NCSTN: variants seen among roughly 807,000 people sequenced by gnomAD.
NCSTN encodes the protein nicastrin.
In NCSTN, 22 loss-of-function variants were observed where a neutral mutation model predicts 87.0. The observed-to-expected ratio is 0.25, with a 90% CI of 0.18 to 0.36. The LOEUF (loss-of-function observed/expected upper bound fraction) is 0.36. NCSTN is among the 10% of genes least tolerant of loss of function. NCSTN has a pLI of 1.00. For missense variants in NCSTN, 693 were observed against 883.3 expected, an observed-to-expected ratio of 0.78 and a Z score of 2.73; for synonymous variants, 306 against 327.1, an observed-to-expected ratio of 0.94 and a Z score of 0.69.
intron 8 of NCSTN, 104 bp from the exon 9 acceptor site, chr1:160,352,783 T>G: frequency 2.1e-5 from 18 of 871,100 alleles, no homozygotes; most frequent in Non-Finnish European, 2.7e-5. Flanking sequence ...TGAGGTGACC[T>G]GAGATAGTCG....
At chr1:160,344,882 A>G in intron 2 of NCSTN, 56 bp downstream of exon 2, 3 of 1,406,478 alleles carry the variant, frequency 2.1e-6, no homozygotes, top group Non-Finnish European at 1.0e-6. Context: ...TGCCCTAGAT[A>G]CTAAGTAACA....
intron 16 of NCSTN, among the ~76,000 whole-genome samples, chr1:160,357,563 C>T (rs561486665): frequency 5.9e-5 from 9 of 152,332 alleles, no homozygotes; most frequent in African/African-American, 2.2e-4. Flanking sequence ...TGTCACCACA[C>T]CCAGCTAATT....
intron 13 of NCSTN, 105 bp from the exon 14 acceptor site, chr1:160,356,155 C>G: frequency 8.8e-7 from 1 of 1,131,124 alleles, no homozygotes. Context: ...TCCAGTCTAT[C>G]TGGCCAGTCT....
At position 160,354,175 on chromosome 1, in the gene NCSTN, C is replaced by T. The variant is rs777326684; in HGVS notation, c.1237C>T (p.Leu413Phe). 10 of 1,614,036 alleles carry T rather than the reference C, an allele frequency of 6.2e-6. No individual in the cohort carries two copies. The East Asian group carries it at 1.1e-4, about 18-fold the overall frequency. The change falls in exon 11 of 17, where the codon CTC becomes TTC. Residue 413 changes from leucine (L) to phenylalanine (F), a missense_variant. Coordinates refer to ENST00000294785, the MANE Select transcript of NCSTN (RefSeq NM_015331.3). Reference sequence around the variant, plus strand: ...TGGTGCTGGTGTCCCTGCTGTCATCCTCAGGAGGCCAAATCAGTCCCAGCC... The same window carrying T: ...TGGTGCTGGTGTCCCTGCTGTCATCTTCAGGAGGCCAAATCAGTCCCAGCC... ...KSGAGVPAVI[L>F]RRPNQSQPLP...
At chr1:160,344,663 G>A (rs981612162) in intron 1 of NCSTN, 59 bp from the exon 2 acceptor site, 6 of 1,600,878 alleles carry the variant, frequency 3.7e-6, no homozygotes, top group Admixed American at 1.7e-5. Context: ...TTAATGACAC[G>A]ATAGAAGCTA....
chr1:160,353,638 C>T (rs1648987274), intron 10 of NCSTN: 3 of 1,180,116 alleles, frequency 2.5e-6, no homozygotes, highest in African/African-American at 1.6e-5. Context: ...AAAACCTTCC[C>T]TTCCCTCTAG....
intron 1 of NCSTN, chr1:160,344,419 A>C: frequency 6.9e-7 from 1 of 1,447,012 alleles, no homozygotes; most frequent in Non-Finnish European, 9.1e-7. Flanking sequence ...GTGCAACCAG[A>C]ATCTGGCAAA....
chr1:160,353,270 C>G (rs1648966283), intron 10 of NCSTN, 33 bp downstream of exon 10: 1 of 1,613,866 alleles, frequency 6.2e-7, no homozygotes, highest in African/African-American at 1.3e-5. Context: ...TTTCCTATTC[C>G]TACAGCTCAG....
Position 160,349,605 on chromosome 1 carries a change from C to A in NCSTN, c.371C>A (p.Ser124Tyr), listed in dbSNP as rs1648718962. 6.2e-7 allele frequency: 1 copy of A among 1,614,022 alleles called. No individual in the cohort carries two copies. The highest frequency in any genetic ancestry group is 1.3e-5 in the African/African-American group (1 of 74,916). ...RTSRIAGLAV[S>Y]LTKPSPASGF... is the part of the protein sequence containing the mutation. The stretch of plus-strand genomic sequence containing the variant: ...AGCCGAATTGCTGGTCTTGCAGTGT[C>A]CTTGACCAAGCCCAGTCCTGCCTCA... The change falls in exon 4 of 17, where the codon TCC becomes TAC. Residue 124 changes from serine to tyrosine, a missense_variant. Transcript: ENST00000294785.
chr1:160,355,736 C>T lies in NCSTN; in HGVS notation c.1434C>T (p.Asn478=), dbSNP rs201210604. 1.5e-5 allele frequency: 25 copies of T among 1,613,882 alleles called. No individual in the cohort carries two copies. Among genetic ancestry groups the T allele is most frequent in the Middle Eastern group, 3.3e-4 (2 of 6,084 alleles). Residue 478 remains asparagine, a synonymous_variant, in exon 12 of 17, where the codon AAC becomes AAT. Transcript: ENST00000294785. ...PEWLSPEEDL[N]FVTDTAKALA... ...GGCTGAGCCCTGAAGAGGACCTGAACTTTGTAACAGACACTGCCAAGGTAG... is the reference window on the plus strand; with the variant it reads ...GGCTGAGCCCTGAAGAGGACCTGAATTTTGTAACAGACACTGCCAAGGTAG...
At chr1:160,349,190 C>T in intron 3 of NCSTN, 68 bp downstream of exon 3, 1 of 1,602,148 alleles carries the variant, frequency 6.2e-7, no homozygotes, top group Non-Finnish European at 8.5e-7. Flanking sequence ...AGTCCTCACA[C>T]TTATTAGTGA....
chr1:160,356,068 G>C, intron 13 of NCSTN, 110 bp downstream of exon 13: 1 of 1,153,958 alleles, frequency 8.7e-7, no homozygotes, highest in Non-Finnish European at 1.3e-6. Context: ...GTTGATGCCG[G>C]TGAGAATGCC....
At chr1:160,344,677 C>T (rs199846977) in intron 1 of NCSTN, 45 bp from the exon 2 acceptor site, 3 of 1,606,676 alleles carry the variant, frequency 1.9e-6, no homozygotes, top group South Asian at 2.2e-5. Flanking sequence ...GAAGCTAGTA[C>T]CTGTGTCTCT....
chr1:160,345,962 GAAAAT>G (rs201871330), intron 2 of NCSTN, among the ~76,000 whole-genome samples: 2,197 of 90,558 alleles, frequency 0.024, 23 homozygotes, highest in Middle Eastern at 0.072. Flanking sequence ...AAAAAAAAAA[GAAAAT>G]GCTGAATAAT....
In NCSTN at chr1:160,350,338, G is replaced by C; in HGVS notation, c.582+88G>C. On this transcript the variant is annotated intron_variant, in intron 5 of 16. Transcript: ENST00000294785. ...GTGGTGGTGTGTGCACGTAGTCCCA[G>C]CCACCCGGGAGGCTGAGACAGGAGG... 5 of 1,494,982 alleles carry C rather than the reference G, an allele frequency of 3.3e-6. No homozygotes were observed. The South Asian group carries it at 4.5e-5, about 14-fold the overall frequency. The allele number at this position is 1,494,982 out of a possible 1,614,324, so 92.6% of individuals were successfully genotyped here.
intron 11 of NCSTN, 61 bp from the exon 12 acceptor site, chr1:160,355,594 G>A (rs1197972886): frequency 8.1e-7 from 1 of 1,231,170 alleles, no homozygotes; most frequent in East Asian, 2.3e-5. Flanking sequence ...AGCATTTGAG[G>A]GAGGAAAGGG....
chr1:160,351,861 G>A lies in NCSTN; in HGVS notation c.843+56G>A. On this transcript the variant is annotated intron_variant, in intron 7 of 16. Transcript: ENST00000294785. ...GGGCTGGCACAAAAAGAGCTGGTAG[G>A]CCCCGCTCTAGCATATCAGATTTCA... is the stretch of plus-strand genomic sequence containing the variant. The A allele has an allele frequency of 3.4e-6, 5 of 1,488,310 alleles. No homozygotes were observed. In the Admixed American group the frequency reaches 5.0e-5, roughly 15 times the overall value. The allele number at this position is 1,488,310 out of a possible 1,614,324, so 92.2% of individuals were successfully genotyped here.
At chr1:160,357,611 G>A (rs1471061605) in intron 16 of NCSTN, among the ~76,000 whole-genome samples, 1 of 152,114 alleles carries the variant, frequency 6.6e-6, no homozygotes, top group East Asian at 1.9e-4. Flanking sequence ...TCACCATGTT[G>A]GTCAGGCTAG....
chr1:160,345,938 GAAA>G (rs56358787), intron 2 of NCSTN, among the ~76,000 whole-genome samples: 431 of 59,732 alleles, frequency 7.2e-3, no homozygotes, highest in African/African-American at 0.012. Flanking sequence ...GACACTGTCT[GAAA>G]AAAAAAAAAA....
Sources: allele counts gnomAD v4.1 joint callset (sites outside exome capture counted in the v4.1 genomes callset), GRCh38; gene constraint gnomAD v4.1.1; transcripts MANE v1.5; gene names NCBI Gene and HGNC (gene_info 2026-07-23, HGNC 2026-07-21).